Variants in SPOCK3 observed in about 807,000 individuals in gnomAD.
The protein encoded by SPOCK3 is SPARC (osteonectin), cwcv and kazal like domains proteoglycan 3.
In SPOCK3, 30 loss-of-function variants were observed where a neutral mutation model predicts 56.6. The observed-to-expected ratio is 0.53, with a 90% CI of 0.40 to 0.72. SPOCK3 has a LOEUF of 0.72. Among genes scored for constraint, SPOCK3 ranks in the 30% least tolerant of loss-of-function variants. SPOCK3 has a pLI of 0.00. For missense variants in SPOCK3, 527 were observed against 530.0 expected (o/e 0.99, Z 0.06); for synonymous variants, 196 against 183.3 (o/e 1.07, Z -0.56).
chr4:167,161,811 G>A (rs1319190921), intron 2 of SPOCK3, among the ~76,000 whole-genome samples: 1 of 145,050 alleles, frequency 6.9e-6, no homozygotes, highest in Non-Finnish European at 1.5e-5. Context: ...AACACTGCAT[G>A]TTCTCACTCA....
chr4:166,836,656 G>A (rs558515664), intron 6 of SPOCK3, among the ~76,000 whole-genome samples: 1 of 151,988 alleles, frequency 6.6e-6, no homozygotes, highest in African/African-American at 2.4e-5. Context: ...CTCATCTAGT[G>A]CCCTATGGAT....
At chr4:166,887,609 C>T (rs936303141) in intron 6 of SPOCK3, among the ~76,000 whole-genome samples, 4 of 151,868 alleles carry the variant, frequency 2.6e-5, no homozygotes, top group African/African-American at 9.7e-5. Context: ...ACTGAAAGTC[C>T]TTATTTGGGC....
intron 6 of SPOCK3, among the ~76,000 whole-genome samples, chr4:166,828,946 G>A (rs1005341998): frequency 2.0e-5 from 3 of 151,942 alleles, no homozygotes; most frequent in Non-Finnish European, 4.4e-5. Flanking sequence ...GAACGATGAT[G>A]CATCTACTGT....
At chr4:166,747,559 C>G (rs555549568) in intron 8 of SPOCK3, among the ~76,000 whole-genome samples, 1 of 152,294 alleles carries the variant, frequency 6.6e-6, no homozygotes, top group South Asian at 2.1e-4. Context: ...GAAGCATTCC[C>G]TTTGAAAACT....
intron 2 of SPOCK3, among the ~76,000 whole-genome samples, chr4:167,168,809 C>A (rs1730232983): frequency 6.6e-6 from 1 of 152,012 alleles, no homozygotes; most frequent in South Asian, 2.1e-4. Context: ...CACAGCAGCC[C>A]CTCCCGCCAC....
At chr4:167,117,616 G>A (rs958722955) in intron 2 of SPOCK3, among the ~76,000 whole-genome samples, 2 of 152,146 alleles carry the variant, frequency 1.3e-5, no homozygotes, top group Non-Finnish European at 2.9e-5. Flanking sequence ...CTTTCAGGAA[G>A]TACAAAACAG....
At chr4:167,110,669 G>A (rs1760827991) in intron 2 of SPOCK3, among the ~76,000 whole-genome samples, 1 of 151,976 alleles carries the variant, frequency 6.6e-6, no homozygotes, top group African/African-American at 2.4e-5. Context: ...CCCCTATTAT[G>A]AGTAAGGAAG....
At chr4:166,798,129 C>G (rs1431315921) in intron 6 of SPOCK3, among the ~76,000 whole-genome samples, 1 of 152,032 alleles carries the variant, frequency 6.6e-6, no homozygotes, top group Admixed American at 6.6e-5. Context: ...TATATAATAC[C>G]TGATCATTAT....
chr4:167,012,724 C>G (rs896371918), intron 3 of SPOCK3, among the ~76,000 whole-genome samples: 1 of 152,014 alleles, frequency 6.6e-6, no homozygotes, highest in African/African-American at 2.4e-5. Context: ...TGTGCTCTCA[C>G]AAAAAATGAA....
At chr4:167,051,660 C>A (rs1347437770) in intron 3 of SPOCK3, among the ~76,000 whole-genome samples, 1 of 152,176 alleles carries the variant, frequency 6.6e-6, no homozygotes, top group East Asian at 1.9e-4. Context: ...TCACACTTAG[C>A]ATGTTGTTTA....
chr4:166,908,897 T>A (rs1736933712), intron 5 of SPOCK3, among the ~76,000 whole-genome samples: 1 of 152,074 alleles, frequency 6.6e-6, no homozygotes, highest in South Asian at 2.1e-4. Context: ...AAGGCCTTCA[T>A]CTTTTGTGTC....
At chr4:166,797,649 T>C (rs2126676166) in intron 6 of SPOCK3, among the ~76,000 whole-genome samples, 1 of 152,206 alleles carries the variant, frequency 6.6e-6, no homozygotes, top group South Asian at 2.1e-4. Flanking sequence ...TATAACAGTA[T>C]TAAAAACTTA....
At chr4:167,112,306 T>C (rs1760971775) in intron 2 of SPOCK3, among the ~76,000 whole-genome samples, 1 of 152,124 alleles carries the variant, frequency 6.6e-6, no homozygotes, top group African/African-American at 2.4e-5. Flanking sequence ...AAAATGACTC[T>C]TCTAAAATGT....
chr4:166,755,607 T>C (rs530106209), intron 7 of SPOCK3, among the ~76,000 whole-genome samples: 3 of 152,250 alleles, frequency 2.0e-5, no homozygotes, highest in Admixed American at 2.0e-4. Context: ...TTCTACTCAT[T>C]ACAAGTGAAA....
intron 3 of SPOCK3, among the ~76,000 whole-genome samples, chr4:167,017,964 G>A (rs924305492): frequency 2.6e-5 from 4 of 151,932 alleles, no homozygotes; most frequent in East Asian, 1.9e-4. Context: ...GTAACAAGTC[G>A]TATTGTACAT....
intron 4 of SPOCK3, among the ~76,000 whole-genome samples, chr4:166,965,219 A>T (rs1004896760): frequency 1.3e-5 from 2 of 151,988 alleles, no homozygotes; most frequent in African/African-American, 4.8e-5. Flanking sequence ...TTCATGTAAA[A>T]TGTTAAAACT....
intron 2 of SPOCK3, among the ~76,000 whole-genome samples, chr4:167,069,208 A>G (rs1428540316): frequency 1.3e-5 from 2 of 151,926 alleles, no homozygotes; most frequent in Admixed American, 1.3e-4. Flanking sequence ...ATGTGGCAGA[A>G]TGGCTTTCAG....
chr4:166,978,956 T>C (rs1288448957), intron 4 of SPOCK3, among the ~76,000 whole-genome samples: 1 of 152,210 alleles, frequency 6.6e-6, no homozygotes. Flanking sequence ...TCTCTGTACA[T>C]ACCTTAGTAT....
At chr4:166,843,311 G>A (rs562445603) in intron 6 of SPOCK3, among the ~76,000 whole-genome samples, 9 of 152,334 alleles carry the variant, frequency 5.9e-5, no homozygotes, top group South Asian at 2.1e-4. Flanking sequence ...CGCTGAGAGC[G>A]AGCGACGGCC....
Sources: gnomAD v4.1 joint callset for allele counts (sites outside exome capture counted in the v4.1 genomes callset) on GRCh38, gnomAD v4.1.1 for gene constraint, MANE v1.5 for transcripts, NCBI Gene and HGNC (gene_info 2026-07-23, HGNC 2026-07-21) for gene names.